Variants in PCDHA9 observed in about 807,000 individuals in gnomAD.
PCDHA9 encodes protocadherin alpha-9.
A neutral mutation model predicts 62.0 loss-of-function variants in PCDHA9; 62 were observed. The ratio of observed to expected loss-of-function variants is 1.00; its 90% CI spans 0.81 to 1.23. The LOEUF (loss-of-function observed/expected upper bound fraction) is 1.23. Among genes scored for constraint, PCDHA9 ranks in the 50% most tolerant of loss-of-function variants. The probability of loss-of-function intolerance (pLI) is 0.00; values close to 1 mark genes in which losing one functional copy is unlikely to be tolerated. For missense variants in PCDHA9, 1,205 were observed against 1,249.8 expected, an observed-to-expected ratio of 0.96 and a Z score of 0.54; for synonymous variants, 557 against 567.6, an observed-to-expected ratio of 0.98 and a Z score of 0.27.
At position 140,848,714 on chromosome 5, in the gene PCDHA9, C is replaced by A. The variant is rs2150418580; in HGVS notation, c.219C>A (p.Asp73Glu). Residue 73 changes from aspartate (D) to glutamate (E), a missense_variant, in exon 1 of 4, where the codon GAC (aspartate) becomes GAA (glutamate). By Grantham distance (45) the Asp-to-Glu change is conservative (BLOSUM62 2). Transcript: ENST00000532602. ...AGTTGGATTCCAAAGGCCGCGGGGA[C>A]CTTCTGGAGGTAAATCTGCAGAATG... ...LFQLDSKGRG[D>E]LLEVNLQNGI... 5.0e-6 allele frequency: 8 copies of A among 1,592,122 alleles called. 1 individual carries two copies. Among genetic ancestry groups the A allele is most frequent in the Non-Finnish European group, 6.0e-6 (7 of 1,163,208 alleles).
At chr5:140,911,338 A>G (rs1562979911) in intron 1 of PCDHA9, among the ~76,000 whole-genome samples, 1 of 152,040 alleles carries the variant, frequency 6.6e-6, no homozygotes, top group African/African-American at 2.4e-5. Context: ...TTTTCCAATC[A>G]ATGCCCTCAT....
At chr5:140,927,993 A>G (rs782756882) in intron 1 of PCDHA9, 66 of 1,614,068 alleles carry the variant, frequency 4.1e-5, no homozygotes, top group Non-Finnish European at 5.4e-5. Flanking sequence ...TAAAGGATGA[A>G]GACCTCGATT....
rs549701659 is a variant in PCDHA9 at position 140,937,333 on chromosome 5, G to C, written c.2395-41616G>C. On this transcript the variant is annotated intron_variant, in intron 1 of 3. Transcript: ENST00000532602. ...ATTACAGGCGTGAGCCACCGCGCCCGGCTTCTTCCATTTATTTTATTATTT... is the reference window on the plus strand; with the variant it reads ...ATTACAGGCGTGAGCCACCGCGCCCCGCTTCTTCCATTTATTTTATTATTT... Among the ~76,000 whole-genome samples the C allele has an allele frequency of 2.8e-3, 423 of 151,952 alleles. 2 individuals carry two copies. Among genetic ancestry groups the C allele is most frequent in the Middle Eastern group, 0.014 (4 of 294 alleles).
intron 1 of PCDHA9, chr5:140,875,308 A>G (rs757619394): frequency 2.7e-5 from 39 of 1,423,476 alleles, no homozygotes; most frequent in Non-Finnish European, 3.4e-5. Flanking sequence ...CTCCGCACCC[A>G]CATTCCAATC....
At chr5:140,911,866 T>A (rs139180139) in intron 1 of PCDHA9, among the ~76,000 whole-genome samples, 31 of 152,320 alleles carry the variant, frequency 2.0e-4, no homozygotes, top group Non-Finnish European at 4.3e-4. Context: ...TCTGTTCTTC[T>A]GGAACCACTC....
intron 1 of PCDHA9, among the ~76,000 whole-genome samples, chr5:140,952,726 A>C (rs2094788337): frequency 6.6e-6 from 1 of 152,188 alleles, no homozygotes; most frequent in African/African-American, 2.4e-5. Context: ...TTTCTGTACT[A>C]GTCTTTTCTC....
chr5:140,872,452 T>G (rs1459875737), intron 1 of PCDHA9, among the ~76,000 whole-genome samples: 1 of 151,968 alleles, frequency 6.6e-6, no homozygotes, highest in East Asian at 1.9e-4. Context: ...CATAGCGAGA[T>G]CCTGTCTCTA....
chr5:140,856,592 A>G lies in PCDHA9; in HGVS notation c.2394+5703A>G, dbSNP rs782076669. The G allele has an allele frequency of 1.2e-5, 19 of 1,597,836 alleles. 1 individual carries two copies. The highest frequency in any genetic ancestry group is 8.6e-6 in the Non-Finnish European group (10 of 1,167,414). On this transcript the variant is annotated intron_variant, in intron 1 of 3. Transcript: ENST00000532602. ...AAATGAGTATTTTGTTCTTGATATTATAAACAAAAAAGACAAAGACAAATT... is the reference window on the plus strand; with the variant it reads ...AAATGAGTATTTTGTTCTTGATATTGTAAACAAAAAAGACAAAGACAAATT...
chr5:140,987,165 G>A lies in PCDHA9; in HGVS notation c.2542+4602G>A, dbSNP rs191129148. Among the ~76,000 whole-genome samples, 1,195 of 151,202 alleles carry A rather than the reference G, an allele frequency of 7.9e-3. 19 individuals are homozygous for A. The highest frequency in any genetic ancestry group is 0.027 in the African/African-American group (1,126 of 41,156). On this transcript the variant is annotated intron_variant, in intron 3 of 3. Transcript: ENST00000532602. ...GGAGGTGGAGGTTGCAGTGAGCTGA[G>A]ATTGCACCACTGCACTCCAGCCTGG...
chr5:140,856,566 C>A, intron 1 of PCDHA9: 2 of 1,597,240 alleles, frequency 1.3e-6, no homozygotes, highest in Non-Finnish European at 1.7e-6. Flanking sequence ...AAACTCAGTC[C>A]AAATGAGTAT....
At chr5:140,854,853 C>T (rs1441066752) in intron 1 of PCDHA9, among the ~76,000 whole-genome samples, 1 of 149,620 alleles carries the variant, frequency 6.7e-6, no homozygotes, top group East Asian at 1.9e-4. Flanking sequence ...GATAAAATTA[C>T]TAGATATATT....
intron 1 of PCDHA9, chr5:140,929,103 G>A: frequency 6.2e-7 from 1 of 1,614,180 alleles, no homozygotes; most frequent in African/African-American, 1.3e-5. Flanking sequence ...ATCCTTGCAT[G>A]ACATCAGCCA....
chr5:140,983,483 C>T (rs2097053951), intron 3 of PCDHA9, among the ~76,000 whole-genome samples: 1 of 152,220 alleles, frequency 6.6e-6, no homozygotes, highest in African/African-American at 2.4e-5. Flanking sequence ...ATAGTAGTTA[C>T]TAATTATTAA....
In PCDHA9 at chr5:141,009,991, T is replaced by G. The variant is rs929729966; in HGVS notation, c.*54T>G. Reference sequence around the variant, plus strand: ...CCAGTTTTTGTAATAATGGCAAATCTCTCCCATGTAGCAATTCCCTGCTCC... The same window carrying G: ...CCAGTTTTTGTAATAATGGCAAATCGCTCCCATGTAGCAATTCCCTGCTCC... On this transcript the variant is annotated 3_prime_UTR_variant, in exon 4 of 4. Coordinates refer to ENST00000532602, the MANE Select transcript of PCDHA9 (RefSeq NM_031857.2). 13 of 1,578,088 alleles carry G rather than the reference T, an allele frequency of 8.2e-6. No individual in the cohort carries two copies. In the East Asian group the frequency reaches 2.5e-4, roughly 30 times the overall value.
chr5:140,972,080 AAG>A (rs1446545098), intron 1 of PCDHA9, among the ~76,000 whole-genome samples: 8 of 152,208 alleles, frequency 5.3e-5, no homozygotes, highest in African/African-American at 1.9e-4. Flanking sequence ...CTTTTGGAAA[AAG>A]AGTAATTTCT....
chr5:140,875,261 G>A lies in PCDHA9; in HGVS notation c.2394+24372G>A. ...CTTACATAATCAGTCACATGATGTC[G>A]CTCTACACTCAGAAGGTGAAACAGG... On this transcript the variant is annotated intron_variant, in intron 1 of 3. Transcript: ENST00000532602. 4.4e-6 allele frequency: 5 copies of A among 1,130,464 alleles called. No individual in the cohort carries two copies. In the South Asian group the frequency reaches 7.4e-5, roughly 17 times the overall value. 70.0% of individuals were successfully genotyped at this position (1,130,464 alleles called of 1,614,324 possible).
At chr5:140,953,988 A>G (rs1554221181) in intron 1 of PCDHA9, among the ~76,000 whole-genome samples, 1 of 151,898 alleles carries the variant, frequency 6.6e-6, no homozygotes, top group African/African-American at 2.4e-5. Flanking sequence ...TCATATTTTC[A>G]TGTGTACTCA....
chr5:140,967,828 C>T (rs2096188201), intron 1 of PCDHA9: 2 of 1,614,028 alleles, frequency 1.2e-6, no homozygotes, highest in Non-Finnish European at 1.7e-6. Flanking sequence ...TGCTGGTGGA[C>T]ATCGTGGACG....
intron 1 of PCDHA9, chr5:140,877,334 C>G (rs375199455): frequency 3.1e-6 from 5 of 1,613,884 alleles, no homozygotes; most frequent in African/African-American, 1.3e-5. Flanking sequence ...GCGCACATCC[C>G]GTTCCACGTG....
Sources: allele counts gnomAD v4.1 joint callset (sites outside exome capture counted in the v4.1 genomes callset), GRCh38; gene constraint gnomAD v4.1.1; transcripts MANE v1.5; gene names NCBI Gene and HGNC (gene_info 2026-07-23, HGNC 2026-07-21).